PPP1R12A: variants seen among roughly 807,000 people sequenced by gnomAD.
PPP1R12A encodes myosin binding subunit.
A neutral mutation model predicts 139.6 loss-of-function variants in PPP1R12A; 19 were observed. The observed-to-expected ratio is 0.14, with a 90% CI of 0.09 to 0.20. The LOEUF (loss-of-function observed/expected upper bound fraction) is 0.20. PPP1R12A is among the 10% of genes least tolerant of loss of function. PPP1R12A has a pLI of 1.00. For synonymous variants in PPP1R12A, 427 were observed against 420.6 expected (o/e 1.02, Z -0.19); for missense variants, 925 against 1,211.5 (o/e 0.76, Z 3.51).
chr12:79,925,956 C>T (rs1213988513), intron 1 of PPP1R12A, among the ~76,000 whole-genome samples: 9 of 151,900 alleles, frequency 5.9e-5, no homozygotes, highest in South Asian at 4.2e-4. Context: ...GTAGAGACAC[C>T]GTCTCCCTAT....
chr12:79,860,824 A>C (rs748946099), intron 2 of PPP1R12A, among the ~76,000 whole-genome samples: 2 of 152,180 alleles, frequency 1.3e-5, no homozygotes, highest in Non-Finnish European at 2.9e-5. Context: ...CAAAACCCTC[A>C]AAAACAAAAC....
intron 1 of PPP1R12A, among the ~76,000 whole-genome samples, chr12:79,876,026 T>G (rs1177552342): frequency 6.6e-6 from 1 of 152,122 alleles, no homozygotes; most frequent in Non-Finnish European, 1.5e-5. Context: ...GAAAGAGCAG[T>G]TTGGGGCTGG....
At chr12:79,864,696 CTAT>C (rs1881765352) in intron 2 of PPP1R12A, among the ~76,000 whole-genome samples, 1 of 152,204 alleles carries the variant, frequency 6.6e-6, no homozygotes, top group Non-Finnish European at 1.5e-5. Context: ...ATAAACACTT[CTAT>C]GCAAATAAAC....
intron 5 of PPP1R12A, among the ~76,000 whole-genome samples, chr12:79,822,811 A>ATT (rs34115550): frequency 5.4e-5 from 7 of 129,898 alleles, no homozygotes; most frequent in African/African-American, 8.4e-5. Context: ...GGACATCTGC[A>ATT]TTTTTTTTTT....
intron 9 of PPP1R12A, among the ~76,000 whole-genome samples, chr12:79,815,780 A>C (rs1279634351): frequency 6.6e-6 from 1 of 152,216 alleles, no homozygotes; most frequent in Non-Finnish European, 1.5e-5. Context: ...TGAAGCATAC[A>C]TAATTATTAT....
chr12:79,785,320 G>A (rs545551072), intron 22 of PPP1R12A, among the ~76,000 whole-genome samples: 1 of 152,216 alleles, frequency 6.6e-6, no homozygotes, highest in East Asian at 1.9e-4. Flanking sequence ...CTAGAAGTTT[G>A]GCATAGTAGC....
chr12:79,823,327 G>C (rs1307860315), intron 5 of PPP1R12A, among the ~76,000 whole-genome samples: 1 of 151,918 alleles, frequency 6.6e-6, no homozygotes, highest in Non-Finnish European at 1.5e-5. Context: ...AATTCTGAAA[G>C]AAAGTTAAAA....
chr12:79,928,755 T>C (rs1381032994), intron 1 of PPP1R12A, among the ~76,000 whole-genome samples: 2 of 152,180 alleles, frequency 1.3e-5, no homozygotes, highest in African/African-American at 2.4e-5. Context: ...TTGCTTCCAG[T>C]CTCTTTTACA....
chr12:79,819,371 T>C (rs1290579955), intron 8 of PPP1R12A: 1 of 152,186 alleles, frequency 6.6e-6, no homozygotes, highest in Non-Finnish European at 1.5e-5. Context: ...AATAGTTCCT[T>C]GGTGTCTAAC....
intron 2 of PPP1R12A, among the ~76,000 whole-genome samples, chr12:79,853,718 T>C (rs1198608197): frequency 6.6e-6 from 1 of 152,236 alleles, no homozygotes. Flanking sequence ...TATTAACTCT[T>C]GAAAACCATG....
intron 4 of PPP1R12A, among the ~76,000 whole-genome samples, chr12:79,828,774 A>G (rs1270282473): frequency 6.6e-6 from 1 of 152,160 alleles, no homozygotes; most frequent in Non-Finnish European, 1.5e-5. Context: ...ATTTTCACAG[A>G]AAAGCCCATA....
rs144535897 is a variant in PPP1R12A, at chr12:79,848,084, G to A, written c.369-2664C>T. 2.7e-3 allele frequency among the ~76,000 whole-genome samples: 409 copies of A among 152,196 alleles called. 2 individuals carry two copies. The highest frequency in any genetic ancestry group is 9.5e-3 in the African/African-American group (395 of 41,524). On this transcript the variant is annotated intron_variant, in intron 2 of 24. Coordinates refer to ENST00000450142, the MANE Select transcript of PPP1R12A (RefSeq NM_002480.3). Reference sequence around the variant, plus strand: ...ACATGTGTATCTGATCACAAAAATGGCTACTGTATCATTTTGTAGTTTCAT... The same window carrying A: ...ACATGTGTATCTGATCACAAAAATGACTACTGTATCATTTTGTAGTTTCAT...
At chr12:79,800,851 A>T (rs377379647) in intron 14 of PPP1R12A, among the ~76,000 whole-genome samples, 1 of 150,294 alleles carries the variant, frequency 6.7e-6, no homozygotes, top group South Asian at 2.1e-4. Flanking sequence ...CTCCTGCCTC[A>T]GCCTCCCGAG....
chr12:79,806,371 TA>T, intron 12 of PPP1R12A, 38 bp from the exon 13 acceptor site: 1 of 1,564,974 alleles, frequency 6.4e-7, no homozygotes, highest in Non-Finnish European at 8.7e-7. Context: ...GATGTGTTTG[TA>T]TGTGTATTCT....
chr12:79,806,268 G>A lies in PPP1R12A; in HGVS notation c.1721C>T (p.Pro574Leu). The change falls in exon 13 of 25, where the codon CCA becomes CTA. Residue 574 changes from proline to leucine, a missense_variant. This residue lies in a region of PPP1R12A where 403 missense variants were observed against 463.7 expected (regional missense o/e 0.87). Transcript: ENST00000450142. ...AAGCCCAGCTGCAGAGGTAACTGTT[G>A]GTGTTGATGTGGTGCTTGGAACACT... is the stretch of plus-strand genomic sequence containing the variant. ...SSSVPSTTST[P>L]TVTSAAGLQK... 6.2e-7 allele frequency: 1 copy of A among 1,613,858 alleles called. No individual in the cohort carries two copies.
intron 1 of PPP1R12A, among the ~76,000 whole-genome samples, chr12:79,929,516 A>T (rs1218195292): frequency 6.6e-6 from 1 of 152,174 alleles, no homozygotes; most frequent in Non-Finnish European, 1.5e-5. Context: ...CTGTAATCCT[A>T]GCACTTTGGG....
At chr12:79,785,871 G>T (rs898748781) in intron 22 of PPP1R12A, among the ~76,000 whole-genome samples, 1 of 152,150 alleles carries the variant, frequency 6.6e-6, no homozygotes, top group African/African-American at 2.4e-5. Context: ...GTACAAGGTT[G>T]TGAGTTTTGC....
At chr12:79,843,611 A>AATAGATATAG (rs1230980247) in intron 3 of PPP1R12A, among the ~76,000 whole-genome samples, 9 of 134,904 alleles carry the variant, frequency 6.7e-5, no homozygotes, top group Admixed American at 3.8e-4. Flanking sequence ...CTCAAAAAAA[A>AATAGATATAG]ATATAGATAT....
rs7306705 is a variant in PPP1R12A at position 79,915,875 on chromosome 12, C to T, written c.237+18820G>A. Among the ~76,000 whole-genome samples the T allele has an allele frequency of 8.1e-4, 123 of 152,114 alleles. 1 individual carries two copies. Among genetic ancestry groups the T allele is most frequent in the African/African-American group, 2.2e-3 (91 of 41,486 alleles). ...GTGAGCCTAATCCTGATAATATTCA[C>T]GCCAAATTTTTGTCATGTTAACCGT... On this transcript the variant is annotated intron_variant, in intron 1 of 24. Coordinates refer to ENST00000450142, the MANE Select transcript of PPP1R12A (RefSeq NM_002480.3).
Sources: gnomAD v4.1 joint callset for allele counts (sites outside exome capture counted in the v4.1 genomes callset) on GRCh38, gnomAD v4.1.1 for gene constraint, gnomAD v4.1.1 regional missense constraint, MANE v1.5 for transcripts, NCBI Gene and HGNC (gene_info 2026-07-23, HGNC 2026-07-21) for gene names.